PIP4K2A: variants seen among roughly 807,000 people sequenced by gnomAD.
PIP4K2A encodes the protein phosphatidylinositol-5-phosphate 4-kinase type 2 alpha.
PIP4K2A carries 14 observed loss-of-function variants against 42.9 expected under a neutral mutation model. That is an observed-to-expected ratio of 0.33 (90% CI 0.22 to 0.51). PIP4K2A has a LOEUF of 0.51. Ranked by LOEUF, PIP4K2A falls within the 20% of genes least tolerant of loss-of-function variation. The pLI is 0.97. For missense variants in PIP4K2A, 434 were observed against 519.8 expected, an observed-to-expected ratio of 0.83 and a Z score of 1.61; for synonymous variants, 192 against 192.2, an observed-to-expected ratio of 1.00 and a Z score of 0.01.
intron 1 of PIP4K2A, among the ~76,000 whole-genome samples, chr10:22,656,359 C>T (rs1056356222): frequency 2.0e-5 from 3 of 152,280 alleles, no homozygotes; most frequent in African/African-American, 7.2e-5. Context: ...CCCCTGGACA[C>T]GACAACTGCT....
At chr10:22,691,253 T>C (rs1229520219) in intron 1 of PIP4K2A, among the ~76,000 whole-genome samples, 2 of 152,194 alleles carry the variant, frequency 1.3e-5, no homozygotes, top group Non-Finnish European at 2.9e-5. Context: ...CCTTTGTCCT[T>C]GTCATCCTAC....
At chr10:22,541,477 A>C (rs1038771159) in intron 8 of PIP4K2A, among the ~76,000 whole-genome samples, 1 of 152,218 alleles carries the variant, frequency 6.6e-6, no homozygotes, top group Non-Finnish European at 1.5e-5. Context: ...GCATATGTAC[A>C]TGCATGTTGT....
chr10:22,687,255 A>C (rs989852584), intron 1 of PIP4K2A, among the ~76,000 whole-genome samples: 1 of 152,152 alleles, frequency 6.6e-6, no homozygotes, highest in Admixed American at 6.6e-5. Flanking sequence ...CATTATGTTA[A>C]GTGAAATACG....
intron 1 of PIP4K2A, among the ~76,000 whole-genome samples, chr10:22,672,420 G>T (rs755824384): frequency 1.1e-4 from 16 of 152,206 alleles, no homozygotes; most frequent in Non-Finnish European, 1.8e-4. Context: ...TGTCTATAGT[G>T]ATTTAATCTG....
At chr10:22,550,514 C>A in intron 7 of PIP4K2A, 145 bp downstream of exon 7, 1 of 661,674 alleles carries the variant, frequency 1.5e-6, no homozygotes. Context: ...TAACATGAGA[C>A]ACCTTCATGT....
chr10:22,583,072 C>T (rs533499807), intron 4 of PIP4K2A, among the ~76,000 whole-genome samples: 3 of 152,260 alleles, frequency 2.0e-5, no homozygotes, highest in Admixed American at 6.5e-5. Context: ...TGCAGAAATG[C>T]CTAAGTACAT....
At chr10:22,594,765 A>G (rs1837595585) in intron 3 of PIP4K2A, among the ~76,000 whole-genome samples, 1 of 152,222 alleles carries the variant, frequency 6.6e-6, no homozygotes, top group African/African-American at 2.4e-5. Context: ...CTTAGCTCAG[A>G]TACTACCTCT....
chr10:22,550,873 C>G, intron 6 of PIP4K2A, 101 bp from the exon 7 acceptor site: 1 of 730,206 alleles, frequency 1.4e-6, no homozygotes, highest in Middle Eastern at 2.4e-4. Flanking sequence ...CCCCTTTCAC[C>G]GCCCCCACCC....
intron 2 of PIP4K2A, among the ~76,000 whole-genome samples, chr10:22,609,121 A>G (rs1318972183): frequency 6.6e-6 from 1 of 152,212 alleles, no homozygotes; most frequent in Non-Finnish European, 1.5e-5. Flanking sequence ...CTAGCTCTCA[A>G]TGGACCACCT....
intron 1 of PIP4K2A, among the ~76,000 whole-genome samples, chr10:22,643,930 CA>C: frequency 6.6e-6 from 1 of 152,234 alleles, no homozygotes; most frequent in Admixed American, 6.5e-5. Flanking sequence ...GAGGGTTTAT[CA>C]TCCTCCAGAA....
intron 1 of PIP4K2A, among the ~76,000 whole-genome samples, chr10:22,658,854 G>A (rs975271516): frequency 2.7e-4 from 41 of 152,280 alleles, no homozygotes; most frequent in Admixed American, 7.8e-4. Flanking sequence ...GAAAAGTTAC[G>A]TAACTCACCC....
intron 1 of PIP4K2A, among the ~76,000 whole-genome samples, chr10:22,623,669 A>G (rs954756124): frequency 6.6e-6 from 1 of 152,198 alleles, no homozygotes; most frequent in African/African-American, 2.4e-5. Context: ...TGTAGGTTAC[A>G]TGTGCCCAGT....
rs1564448260 is a variant in PIP4K2A, at chr10:22,627,588, T to TAA, written c.145-17873_145-17872dup. 1.0e-3 allele frequency among the ~76,000 whole-genome samples: 39 copies of TAA among 38,956 alleles called. 2 individuals carry two copies. Among genetic ancestry groups the TAA allele is most frequent in the South Asian group, 2.1e-3 (2 of 932 alleles). 25.6% of individuals were successfully genotyped at this position (38,956 alleles called of 152,430 possible). A position where few individuals can be genotyped will look rare whatever the true frequency, so the allele number is the denominator to read the frequency against. ...ATTTGTTTAACCAAAAGCTAATATG[T>TAA]AATAAAAAAAAAAAAAAAAAAAAAA... On this transcript the variant is annotated intron_variant, in intron 1 of 9. Coordinates refer to ENST00000376573, the MANE Select transcript of PIP4K2A (RefSeq NM_005028.5).
At chr10:22,681,635 A>C (rs1839662837) in intron 1 of PIP4K2A, among the ~76,000 whole-genome samples, 1 of 152,172 alleles carries the variant, frequency 6.6e-6, no homozygotes, top group Non-Finnish European at 1.5e-5. Flanking sequence ...TGATGGCGCC[A>C]CTGTACTCTA....
chr10:22,587,598 T>C (rs966536187), intron 4 of PIP4K2A, among the ~76,000 whole-genome samples: 2 of 152,100 alleles, frequency 1.3e-5, no homozygotes, highest in African/African-American at 4.8e-5. Flanking sequence ...TTGACAGGCC[T>C]CCCTGGGTTT....
chr10:22,598,865 TAATC>T lies in PIP4K2A; in HGVS notation c.340-7088_340-7085del, dbSNP rs200568112. Among the ~76,000 whole-genome samples the T allele has an allele frequency of 8.5e-5, 13 of 152,372 alleles. No homozygotes were observed. The East Asian group carries it at 2.3e-3, about 27-fold the overall frequency. ...ATTAGTTTATGGGAAAAAAATCTAA[TAATC>T]AACATGCACAAACTGCAAAAATACA... On this transcript the variant is annotated intron_variant, in intron 3 of 9. Coordinates refer to ENST00000376573, the MANE Select transcript of PIP4K2A (RefSeq NM_005028.5).
At chr10:22,687,920 T>C (rs545309270) in intron 1 of PIP4K2A, among the ~76,000 whole-genome samples, 2 of 152,330 alleles carry the variant, frequency 1.3e-5, no homozygotes, top group African/African-American at 4.8e-5. Flanking sequence ...TGCGAGATCA[T>C]TGATAGATGA....
chr10:22,546,115 G>A (rs909253495), intron 7 of PIP4K2A, among the ~76,000 whole-genome samples: 12 of 152,332 alleles, frequency 7.9e-5, no homozygotes, highest in Non-Finnish European at 1.3e-4. Flanking sequence ...GGTCTCACTC[G>A]CCAGTTCCAT....
intron 5 of PIP4K2A, chr10:22,569,047 T>C (rs1273909231): frequency 6.5e-6 from 10 of 1,535,068 alleles, no homozygotes; most frequent in Non-Finnish European, 8.7e-6. Flanking sequence ...GGCTTTTAGA[T>C]TGGCCATCTG....
Sources: gnomAD v4.1 joint callset for allele counts (sites outside exome capture counted in the v4.1 genomes callset) on GRCh38, gnomAD v4.1.1 for gene constraint, MANE v1.5 for transcripts, NCBI Gene and HGNC (gene_info 2026-07-23, HGNC 2026-07-21) for gene names.